GGACT: variants seen among roughly 807,000 people sequenced by gnomAD.
GGACT encodes the protein gamma-glutamylaminecyclotransferase.
For missense variants in GGACT, 241 were observed against 233.2 expected (o/e 1.03, Z -0.22); for synonymous variants, 118 against 115.3 (o/e 1.02, Z -0.15).
intron 2 of GGACT, among the ~76,000 whole-genome samples, chr13:100,550,453 CA>C: frequency 6.7e-6 from 1 of 148,420 alleles, no homozygotes; most frequent in South Asian, 2.2e-4. Context: ...CACACACACA[CA>C]CACACCACTT....
At chr13:100,557,249 T>C (rs1184652320) in intron 2 of GGACT, among the ~76,000 whole-genome samples, 1 of 152,184 alleles carries the variant, frequency 6.6e-6, no homozygotes, top group East Asian at 1.9e-4. Context: ...AGTGTGGAAT[T>C]AGAGAAAAGA....
At position 100,531,810 on chromosome 13, in the gene GGACT, T is replaced by C; in HGVS notation, c.*320A>G. On this transcript the variant is annotated 3_prime_UTR_variant, in exon 3 of 3. Transcript: ENST00000683975. The stretch of plus-strand genomic sequence containing the variant: ...TTACACTGATCCTAAATATTTATTA[T>C]TATCTTGAGCTCAAAGCAGAGCCAA... The C allele has an allele frequency of 4.1e-6, 1 of 246,500 alleles. No individual in the cohort carries two copies. Among genetic ancestry groups the C allele is most frequent in the Non-Finnish European group, 7.6e-6 (1 of 131,914 alleles). 15.3% of individuals were successfully genotyped at this position (246,500 alleles called of 1,614,324 possible). A position where few individuals can be genotyped will look rare whatever the true frequency, so the allele number is the denominator to read the frequency against.
chr13:100,561,848 C>T (rs1458919303), intron 2 of GGACT, among the ~76,000 whole-genome samples: 1 of 152,184 alleles, frequency 6.6e-6, no homozygotes, highest in African/African-American at 2.4e-5. Context: ...CTGGCACTTC[C>T]CAGAGTGGGG....
chr13:100,536,129 A>T (rs2088488235), intron 2 of GGACT: 1 of 152,270 alleles, frequency 6.6e-6, no homozygotes, highest in African/African-American at 2.4e-5. Context: ...CTTGCAGAGA[A>T]GTCAGTGTGC....
intron 2 of GGACT, among the ~76,000 whole-genome samples, chr13:100,553,203 T>C (rs775294998): frequency 1.7e-4 from 26 of 151,956 alleles, no homozygotes; most frequent in Non-Finnish European, 2.9e-4. Flanking sequence ...TATTGTGCAG[T>C]GAATCCCCAG....
chr13:100,532,193 GT>G lies in GGACT; in HGVS notation c.398del (p.His133ProfsTer69). On this transcript the variant is annotated frameshift_variant, in exon 3 of 3. Transcript: ENST00000683975. LOFTEE classifies it high-confidence loss of function. ...GCCCCTCGGAGTCGTAGCTGTCATG[GT>G]GCGGGAGCTGGGCCCACTCCGGCGG... is the stretch of plus-strand genomic sequence containing the variant. ...TFPPEWAQLP[H>X]HDSYDSEGPH... 6.8e-7 allele frequency: 1 copy of G among 1,475,688 alleles called. No homozygotes were observed. The highest frequency in any genetic ancestry group is 9.0e-7 in the Non-Finnish European group (1 of 1,106,324). 91.4% of individuals were successfully genotyped at this position (1,475,688 alleles called of 1,614,324 possible).
chr13:100,553,723 A>C (rs1355516253), intron 2 of GGACT, among the ~76,000 whole-genome samples: 13 of 152,018 alleles, frequency 8.6e-5, no homozygotes, highest in Admixed American at 8.5e-4. Flanking sequence ...GTGCACCTGT[A>C]GTCCCAGCTA....
chr13:100,573,104 C>G (rs1035114506), intron 2 of GGACT, among the ~76,000 whole-genome samples: 1 of 152,164 alleles, frequency 6.6e-6, no homozygotes, highest in Non-Finnish European at 1.5e-5. Flanking sequence ...GTAGCAATCA[C>G]AAGAAGAGTG....
intron 2 of GGACT, among the ~76,000 whole-genome samples, chr13:100,560,559 G>A (rs79999864): frequency 5.6e-4 from 86 of 152,344 alleles, no homozygotes; most frequent in African/African-American, 2.1e-3. Flanking sequence ...ATCCGTGGGA[G>A]CTGTGTGGCC....
chr13:100,561,055 G>A (rs1244899342), intron 2 of GGACT, among the ~76,000 whole-genome samples: 1 of 152,132 alleles, frequency 6.6e-6, no homozygotes, highest in Admixed American at 6.6e-5. Context: ...TCTTCCCCCG[G>A]CTCCTGACTA....
chr13:100,550,472 C>T (rs1412254838), intron 2 of GGACT, among the ~76,000 whole-genome samples: 1 of 151,570 alleles, frequency 6.6e-6, no homozygotes, highest in Middle Eastern at 3.5e-3. Flanking sequence ...CTTTTAAAAG[C>T]ACCATTATAG....
At chr13:100,581,253 C>T (rs1436069948) in intron 2 of GGACT, among the ~76,000 whole-genome samples, 1 of 152,194 alleles carries the variant, frequency 6.6e-6, no homozygotes, top group Admixed American at 6.5e-5. Context: ...ACACCATCTC[C>T]AACAGAGGGG....
chr13:100,559,232 G>C (rs1169782979), intron 2 of GGACT, among the ~76,000 whole-genome samples: 1 of 152,078 alleles, frequency 6.6e-6, no homozygotes, highest in African/African-American at 2.4e-5. Context: ...CTGTTGCCCA[G>C]GCTGGAGTGC....
intron 2 of GGACT, among the ~76,000 whole-genome samples, chr13:100,583,226 C>T (rs914042881): frequency 4.6e-5 from 7 of 152,176 alleles, no homozygotes; most frequent in East Asian, 1.9e-4. Context: ...TGTGTTAACA[C>T]GAATTTTTAA....
chr13:100,564,269 T>C (rs1391348727), intron 2 of GGACT, among the ~76,000 whole-genome samples: 1 of 152,220 alleles, frequency 6.6e-6, no homozygotes, highest in Non-Finnish European at 1.5e-5. Context: ...AGTGATGCTC[T>C]CGAACTACTA....
At chr13:100,571,791 A>G (rs189772220) in intron 2 of GGACT, among the ~76,000 whole-genome samples, 7 of 152,334 alleles carry the variant, frequency 4.6e-5, no homozygotes, top group Non-Finnish European at 1.0e-4. Context: ...TAATGTATGT[A>G]TATATACATT....
intron 2 of GGACT, among the ~76,000 whole-genome samples, chr13:100,547,735 A>T (rs2088621351): frequency 6.6e-6 from 1 of 152,234 alleles, no homozygotes. Flanking sequence ...GACAAGAACG[A>T]GACATCTCTT....
chr13:100,570,418 G>T (rs1346208820), intron 2 of GGACT, among the ~76,000 whole-genome samples: 1 of 152,096 alleles, frequency 6.6e-6, no homozygotes, highest in East Asian at 1.9e-4. Flanking sequence ...CCCCATGAAG[G>T]GGGAAGCCCC....
chr13:100,560,220 A>G (rs903114721), intron 2 of GGACT, among the ~76,000 whole-genome samples: 2 of 152,168 alleles, frequency 1.3e-5, no homozygotes, highest in Non-Finnish European at 2.9e-5. Context: ...GACCCTTTAA[A>G]AAAACGCACT....
Sources: gnomAD v4.1 joint callset for allele counts (sites outside exome capture counted in the v4.1 genomes callset) on GRCh38, gnomAD v4.1.1 for gene constraint, MANE v1.5 for transcripts, NCBI Gene and HGNC (gene_info 2026-07-23, HGNC 2026-07-21) for gene names.